PTPRZ1: variants seen among roughly 807,000 people sequenced by gnomAD.
PTPRZ1 encodes the protein protein tyrosine phosphatase receptor type Z1, also known as receptor-type tyrosine-protein phosphatase zeta.
In PTPRZ1, 82 loss-of-function variants were observed where a neutral mutation model predicts 214.1. The ratio of observed to expected loss-of-function variants is 0.38; its 90% CI spans 0.32 to 0.46. The LOEUF (loss-of-function observed/expected upper bound fraction) is 0.46. PTPRZ1 is among the 20% of genes least tolerant of loss of function. The pLI, the probability that PTPRZ1 is intolerant of heterozygous loss-of-function variation, is 1.00. For missense variants in PTPRZ1, 2,603 were observed against 2,748.7 expected, an observed-to-expected ratio of 0.95 and a Z score of 1.19; for synonymous variants, 945 against 987.9, an observed-to-expected ratio of 0.96 and a Z score of 0.81.
intron 1 of PTPRZ1, among the ~76,000 whole-genome samples, chr7:121,902,979 A>G (rs910438065): frequency 1.3e-5 from 2 of 152,146 alleles, no homozygotes; most frequent in African/African-American, 4.8e-5. Context: ...AAAAAAAAAT[A>G]AACAGAGATA....
intron 10 of PTPRZ1, among the ~76,000 whole-genome samples, chr7:122,001,034 A>G (rs1338594514): frequency 6.6e-6 from 1 of 152,066 alleles, no homozygotes; most frequent in African/African-American, 2.4e-5. Flanking sequence ...CAGTCTTCCA[A>G]ATAGTGCCTT....
At chr7:122,052,482 G>A (rs368362185) in intron 25 of PTPRZ1, among the ~76,000 whole-genome samples, 2 of 152,216 alleles carry the variant, frequency 1.3e-5, no homozygotes, top group South Asian at 2.1e-4. Flanking sequence ...AATCAATCAC[G>A]GAGCTTGGCT....
rs1440623023 is a variant in PTPRZ1, at chr7:122,055,059, T to C, written c.6500T>C (p.Ile2167Thr). ...KCLSNEEKLI[I>T]QDFILEATQD... ...CTATCTAATGAGGAAAAACTTATAA[T>C]TCAGGACTTTATCTTAGAAGCTACA... The change falls in exon 27 of 30, where the codon ATT becomes ACT. Residue 2167 changes from isoleucine (I) to threonine (T), a missense_variant. Ile to Thr is a moderately conservative substitution (Grantham distance 89, BLOSUM62 -1). Around this residue, in one of 6 missense-constraint regions of PTPRZ1, gnomAD observed 134 missense variants for 183.3 expected, o/e 0.73. Transcript: ENST00000393386. The C allele has an allele frequency of 6.3e-7, 1 of 1,593,120 alleles. No homozygotes were observed. Among genetic ancestry groups the C allele is most frequent in the Non-Finnish European group, 8.6e-7 (1 of 1,165,278 alleles).
chr7:121,968,077 G>T lies in PTPRZ1; in HGVS notation c.251G>T (p.Gly84Val). The T allele has an allele frequency of 6.2e-7, 1 of 1,607,518 alleles. No homozygotes were observed. Among genetic ancestry groups the T allele is most frequent in the Non-Finnish European group, 8.5e-7 (1 of 1,176,430 alleles). ...NVNLKKLKFQ[G>V]WDKTSLENTF... ...AATCTTAAGAAACTTAAATTTCAGGGTTGGGATAAAACATCATTGGAAAAC... is the reference window on the plus strand; with the variant it reads ...AATCTTAAGAAACTTAAATTTCAGGTTTGGGATAAAACATCATTGGAAAAC... The change falls in exon 3 of 30, where the codon GGT becomes GTT. Residue 84 changes from glycine (G) to valine (V), a missense_variant. Gly to Val is a moderately radical substitution (Grantham distance 109). Transcript: ENST00000393386.
chr7:121,959,126 A>T (rs1464392226), intron 2 of PTPRZ1, among the ~76,000 whole-genome samples: 2 of 152,144 alleles, frequency 1.3e-5, no homozygotes, highest in African/African-American at 2.4e-5. Flanking sequence ...CCCGGCCCCT[A>T]GTTAATGACT....
At chr7:121,916,574 A>G (rs1795435523) in intron 1 of PTPRZ1, among the ~76,000 whole-genome samples, 1 of 152,236 alleles carries the variant, frequency 6.6e-6, no homozygotes, top group Admixed American at 6.5e-5. Context: ...AACTAATGGG[A>G]TGTATTCTCC....
intron 2 of PTPRZ1, among the ~76,000 whole-genome samples, chr7:121,934,736 G>A (rs1429324879): frequency 2.6e-5 from 4 of 152,158 alleles, no homozygotes; most frequent in Non-Finnish European, 5.9e-5. Context: ...AGAAGTGGTT[G>A]ATTTGCTTGA....
chr7:122,035,697 G>T (rs978708436), intron 17 of PTPRZ1, among the ~76,000 whole-genome samples: 2 of 152,170 alleles, frequency 1.3e-5, no homozygotes, highest in African/African-American at 4.8e-5. Context: ...TCCTGTATCA[G>T]TGTGACCTGT....
At chr7:121,910,909 A>G (rs1339220712) in intron 1 of PTPRZ1, among the ~76,000 whole-genome samples, 2 of 152,240 alleles carry the variant, frequency 1.3e-5, no homozygotes, top group African/African-American at 2.4e-5. Flanking sequence ...ATATGTTATT[A>G]GAAGTGAATG....
intron 2 of PTPRZ1, among the ~76,000 whole-genome samples, chr7:121,944,928 C>T (rs1366432668): frequency 5.3e-5 from 8 of 152,132 alleles, no homozygotes; most frequent in Non-Finnish European, 1.2e-4. Context: ...CAGCGCAAGC[C>T]ACCATACCCG....
intron 1 of PTPRZ1, among the ~76,000 whole-genome samples, chr7:121,925,983 A>G (rs1219003693): frequency 6.6e-6 from 1 of 152,126 alleles, no homozygotes; most frequent in Non-Finnish European, 1.5e-5. Flanking sequence ...AGTGGCTACT[A>G]AAAAGATTTA....
chr7:122,053,945 G>A lies in PTPRZ1; in HGVS notation c.6288G>A (p.Gln2096=). Residue 2096 remains glutamine, a synonymous_variant, in exon 26 of 30, where the codon CAG becomes CAA. Transcript: ENST00000393386. ...YYQSNEFIIT[Q]HPLLHTIKDF... ...AGAGCAATGAATTCATCATTACCCA[G>A]CACCCTCTCCTTCATACCATCAAGG... 1 of 1,613,104 alleles carries A rather than the reference G, an allele frequency of 6.2e-7. No individual in the cohort carries two copies. Among genetic ancestry groups the A allele is most frequent in the Non-Finnish European group, 8.5e-7 (1 of 1,179,346 alleles).
chr7:121,951,634 C>T (rs1306443470), intron 2 of PTPRZ1, among the ~76,000 whole-genome samples: 2 of 152,166 alleles, frequency 1.3e-5, no homozygotes, highest in African/African-American at 4.8e-5. Flanking sequence ...GGTTCTCAAC[C>T]TTTCAAAGAT....
chr7:121,931,582 C>T (rs1795926446), intron 2 of PTPRZ1, among the ~76,000 whole-genome samples: 2 of 151,998 alleles, frequency 1.3e-5, no homozygotes, highest in South Asian at 4.2e-4. Flanking sequence ...TCCCAGCAGC[C>T]CAGGGACCCT....
chr7:121,917,121 T>C (rs1241278024), intron 1 of PTPRZ1, among the ~76,000 whole-genome samples: 1 of 152,106 alleles, frequency 6.6e-6, no homozygotes, highest in Non-Finnish European at 1.5e-5. Context: ...AACTGTACAA[T>C]ACAAGGAAAT....
At chr7:121,878,899 A>AG (rs397963171) in intron 1 of PTPRZ1, among the ~76,000 whole-genome samples, 2 of 151,786 alleles carry the variant, frequency 1.3e-5, no homozygotes, top group African/African-American at 4.9e-5. Flanking sequence ...AGAAAAAAAA[A>AG]TAGTTGTTTG....
At chr7:122,016,997 A>G (rs1480632057) in intron 12 of PTPRZ1, among the ~76,000 whole-genome samples, 1 of 152,104 alleles carries the variant, frequency 6.6e-6, no homozygotes, top group African/African-American at 2.4e-5. Context: ...TAAAATTTGC[A>G]TTTCTAAGTT....
At chr7:122,036,241 C>T (rs1799529879) in intron 17 of PTPRZ1, among the ~76,000 whole-genome samples, 1 of 152,168 alleles carries the variant, frequency 6.6e-6, no homozygotes, top group South Asian at 2.1e-4. Context: ...CCCTTGTAAC[C>T]AACCTTAAAA....
At chr7:121,886,291 G>A (rs1395790677) in intron 1 of PTPRZ1, among the ~76,000 whole-genome samples, 2 of 152,084 alleles carry the variant, frequency 1.3e-5, no homozygotes, top group Non-Finnish European at 2.9e-5. Flanking sequence ...CTGTAGACTG[G>A]AGTTTAAATT....
Sources: allele counts gnomAD v4.1 joint callset (sites outside exome capture counted in the v4.1 genomes callset), GRCh38; gene constraint gnomAD v4.1.1; regional missense constraint gnomAD v4.1.1; transcripts MANE v1.5; gene names NCBI Gene and HGNC (gene_info 2026-07-23, HGNC 2026-07-21).